GRID2: variants seen among roughly 807,000 people sequenced by gnomAD.
GRID2 encodes the protein glutamate receptor ionotropic, delta-2.
In GRID2, 33 loss-of-function variants were observed where a neutral mutation model predicts 114.8. The observed-to-expected ratio is 0.29, with a 90% CI of 0.22 to 0.38. GRID2 has a LOEUF of 0.38. Ranked by LOEUF, GRID2 falls within the 10% of genes least tolerant of loss-of-function variation. The pLI is 1.00. For synonymous variants in GRID2, 505 were observed against 449.9 expected, an observed-to-expected ratio of 1.12 and a Z score of -1.55; for missense variants, 1,184 against 1,257.7, an observed-to-expected ratio of 0.94 and a Z score of 0.89.
downstream of GRID2, among the ~76,000 whole-genome samples, chr4:93,777,133 C>T (rs1578789627): frequency 6.6e-6 from 1 of 152,164 alleles, no homozygotes; most frequent in Admixed American, 6.5e-5. Context: ...CTCCAACCCA[C>T]ACATACCTCC....
intron 2 of GRID2, among the ~76,000 whole-genome samples, chr4:92,968,198 C>T (rs1753277045): frequency 6.6e-6 from 1 of 151,870 alleles, no homozygotes; most frequent in Non-Finnish European, 1.5e-5. Flanking sequence ...TGGTGATAGT[C>T]ATTATTCCCC....
chr4:93,187,028 G>C (rs113036440), intron 4 of GRID2, among the ~76,000 whole-genome samples: 1 of 152,094 alleles, frequency 6.6e-6, no homozygotes, highest in African/African-American at 2.4e-5. Flanking sequence ...AAGGGCAAAA[G>C]GTGATAATCA....
chr4:92,351,984 C>G (rs979654895), intron 1 of GRID2, among the ~76,000 whole-genome samples: 1 of 151,776 alleles, frequency 6.6e-6, no homozygotes, highest in South Asian at 2.1e-4. Context: ...GATATCATTT[C>G]GATGTACTTA....
chr4:93,633,894 A>C (rs2149702509), intron 14 of GRID2, among the ~76,000 whole-genome samples: 1 of 152,284 alleles, frequency 6.6e-6, no homozygotes, highest in African/African-American at 2.4e-5. Context: ...TTCACCATTC[A>C]GCAAGGGGAA....
chr4:92,378,559 A>G (rs950177568), intron 1 of GRID2, among the ~76,000 whole-genome samples: 4 of 152,100 alleles, frequency 2.6e-5, no homozygotes. Context: ...TCAATCAAAA[A>G]TATACTAGTT....
At position 93,497,909 on chromosome 4, in the gene GRID2, G is replaced by A. The variant is rs569346594; in HGVS notation, c.1997+7132G>A. Among the ~76,000 whole-genome samples the A allele has an allele frequency of 6.5e-4, 98 of 151,820 alleles. No individual in the cohort carries two copies. The South Asian group carries it at 7.3e-3, about 11-fold the overall frequency. On this transcript the variant is annotated intron_variant, in intron 12 of 15. Coordinates refer to ENST00000282020, the MANE Select transcript of GRID2 (RefSeq NM_001510.4). Reference sequence around the variant, plus strand: ...GACAGTAATTGCATTAAATAAATTGGAGTGAGAATTCACATTTTTAATATG... The same window carrying A: ...GACAGTAATTGCATTAAATAAATTGAAGTGAGAATTCACATTTTTAATATG...
At chr4:93,716,287 G>A (rs1177865085) in intron 14 of GRID2, among the ~76,000 whole-genome samples, 1 of 152,072 alleles carries the variant, frequency 6.6e-6, no homozygotes, top group Non-Finnish European at 1.5e-5. Flanking sequence ...CAACTATCCT[G>A]AGCATTGCTA....
At chr4:93,026,653 T>C (rs1723908874) in intron 2 of GRID2, among the ~76,000 whole-genome samples, 1 of 151,912 alleles carries the variant, frequency 6.6e-6, no homozygotes, top group African/African-American at 2.4e-5. Context: ...TGTGCGTGTG[T>C]GTGTATTTTT....
chr4:93,014,358 TC>T (rs1722475632), intron 2 of GRID2, among the ~76,000 whole-genome samples: 1 of 152,072 alleles, frequency 6.6e-6, no homozygotes, highest in African/African-American at 2.4e-5. Flanking sequence ...AAGTGGGCAT[TC>T]TTAGCAGAGG....
chr4:92,954,842 A>T (rs1265947520), intron 2 of GRID2, among the ~76,000 whole-genome samples: 14 of 134,362 alleles, frequency 1.0e-4, no homozygotes, highest in Non-Finnish European at 1.9e-4. Context: ...TTCAATTCCC[A>T]CCTATGAGTG....
At chr4:92,916,786 G>C (rs1748837806) in intron 2 of GRID2, among the ~76,000 whole-genome samples, 1 of 152,140 alleles carries the variant, frequency 6.6e-6, no homozygotes, top group African/African-American at 2.4e-5. Context: ...TTGGTTCCAA[G>C]TTTTGCTGTT....
At chr4:92,337,664 T>C (rs1325278897) in intron 1 of GRID2, among the ~76,000 whole-genome samples, 6 of 152,076 alleles carry the variant, frequency 3.9e-5, no homozygotes, top group Non-Finnish European at 8.8e-5. Flanking sequence ...AAGAACTCAC[T>C]CACTATCAGA....
At chr4:92,342,885 A>G (rs1220911211) in intron 1 of GRID2, among the ~76,000 whole-genome samples, 1 of 152,144 alleles carries the variant, frequency 6.6e-6, no homozygotes, top group African/African-American at 2.4e-5. Context: ...TTGACAACCT[A>G]TAGAAAGATA....
At chr4:93,739,339 T>C (rs952165437) in intron 14 of GRID2, among the ~76,000 whole-genome samples, 55 of 152,204 alleles carry the variant, frequency 3.6e-4, no homozygotes, top group Admixed American at 2.1e-3. Flanking sequence ...TCTTCAACTA[T>C]AGCCTAGTGG....
At chr4:93,648,920 T>A (rs1189508535) in intron 14 of GRID2, among the ~76,000 whole-genome samples, 2 of 152,318 alleles carry the variant, frequency 1.3e-5, no homozygotes, top group Non-Finnish European at 2.9e-5. Context: ...ATTTAATTCT[T>A]GCAAAACATC....
At chr4:93,612,160 T>C (rs536728318) in intron 13 of GRID2, among the ~76,000 whole-genome samples, 743 of 151,364 alleles carry the variant, frequency 4.9e-3, no homozygotes, top group Non-Finnish European at 7.0e-3. Flanking sequence ...TTTCCATTGG[T>C]TTGGTAGATC....
At chr4:92,317,601 A>G (rs1244230564) in intron 1 of GRID2, among the ~76,000 whole-genome samples, 2 of 152,238 alleles carry the variant, frequency 1.3e-5, no homozygotes, top group African/African-American at 4.8e-5. Flanking sequence ...GCCAAAAGCA[A>G]GAAAAAAGGA....
At chr4:92,536,643 A>G (rs1725649942) in intron 1 of GRID2, among the ~76,000 whole-genome samples, 1 of 152,220 alleles carries the variant, frequency 6.6e-6, no homozygotes, top group South Asian at 2.1e-4. Flanking sequence ...ATATGTGAAT[A>G]TGGAAATATC....
chr4:93,768,467 G>T (rs1251200769), intron 14 of GRID2, among the ~76,000 whole-genome samples: 1 of 152,140 alleles, frequency 6.6e-6, no homozygotes, highest in Non-Finnish European at 1.5e-5. Context: ...CTCTGGGGAG[G>T]GGAAAAAGAA....
Sources: allele counts gnomAD v4.1 joint callset (sites outside exome capture counted in the v4.1 genomes callset), GRCh38; gene constraint gnomAD v4.1.1; transcripts MANE v1.5; gene names NCBI Gene and HGNC (gene_info 2026-07-23, HGNC 2026-07-21).